RASGRP3: variants seen among roughly 807,000 people sequenced by gnomAD.
RASGRP3 encodes RAS guanyl releasing protein 3.
In RASGRP3, 54 loss-of-function variants were observed where a neutral mutation model predicts 82.7. The ratio of observed to expected loss-of-function variants is 0.65; its 90% confidence interval spans 0.52 to 0.82. RASGRP3 has a LOEUF of 0.82. RASGRP3 is among the 40% of genes least tolerant of loss of function. The pLI is 0.00. For missense variants in RASGRP3, 861 were observed against 828.9 expected (o/e 1.04, Z -0.48); for synonymous variants, 309 against 300.5 (o/e 1.03, Z -0.29).
rs1192243838 is a variant in RASGRP3 at position 33,542,315 on chromosome 2, G to A, written c.1279-1197G>A. 2.0e-5 allele frequency among the ~76,000 whole-genome samples: 3 copies of A among 146,546 alleles called. 1 individual carries two copies. The Admixed American group carries it at 2.1e-4, about 10-fold the overall frequency. On this transcript the variant is annotated intron_variant, in intron 12 of 17. Coordinates refer to ENST00000403687, the MANE Select transcript of RASGRP3 (RefSeq NM_001139488.2). The stretch of plus-strand genomic sequence containing the variant: ...CACTCTCTGTGGTAATTTGTATCAT[G>A]TTGTTTTGATTAATGTAGCTGTGTA...
At chr2:33,459,134 CT>C (rs909356486) in intron 2 of RASGRP3, among the ~76,000 whole-genome samples, 10 of 149,378 alleles carry the variant, frequency 6.7e-5, no homozygotes, top group South Asian at 2.1e-4. Context: ...ATTTCTCGGA[CT>C]TTTTTTTTTG....
chr2:33,478,993 A>C (rs1047426171), intron 1 of RASGRP3, among the ~76,000 whole-genome samples: 2 of 152,232 alleles, frequency 1.3e-5, no homozygotes, highest in Non-Finnish European at 2.9e-5. Flanking sequence ...GGACACCCTT[A>C]GTTACTTGAC....
intron 13 of RASGRP3, among the ~76,000 whole-genome samples, chr2:33,544,483 T>C (rs145872861): frequency 1.3e-5 from 2 of 151,626 alleles, no homozygotes; most frequent in African/African-American, 4.8e-5. Context: ...TCGCTTTAGA[T>C]ACTAAAACCC....
intron 1 of RASGRP3, among the ~76,000 whole-genome samples, chr2:33,444,030 T>C (rs948197214): frequency 6.6e-6 from 1 of 152,154 alleles, no homozygotes; most frequent in Non-Finnish European, 1.5e-5. Flanking sequence ...GAGTGGGGGA[T>C]AGTGCCTTAC....
intron 12 of RASGRP3, among the ~76,000 whole-genome samples, chr2:33,542,992 C>G (rs1040968567): frequency 6.6e-6 from 1 of 151,986 alleles, no homozygotes. Context: ...CGCGCCCAGC[C>G]GAAGTTTTAT....
chr2:33,487,236 T>C (rs557831962), intron 1 of RASGRP3, among the ~76,000 whole-genome samples: 2 of 152,304 alleles, frequency 1.3e-5, no homozygotes, highest in South Asian at 4.1e-4. Context: ...ATTATTGTAG[T>C]TTGTCAAGTA....
chr2:33,540,928 G>T (rs1674237177), intron 12 of RASGRP3, among the ~76,000 whole-genome samples: 1 of 145,586 alleles, frequency 6.9e-6, no homozygotes, highest in South Asian at 2.2e-4. Flanking sequence ...CTTGAGATGG[G>T]CTCATTTTAG....
intron 1 of RASGRP3, among the ~76,000 whole-genome samples, chr2:33,437,072 T>C (rs903169561): frequency 2.0e-5 from 3 of 152,194 alleles, no homozygotes; most frequent in African/African-American, 7.2e-5. Context: ...TAAGCAAAGA[T>C]AACAAATTTT....
intron 2 of RASGRP3, among the ~76,000 whole-genome samples, chr2:33,454,196 TG>T (rs1665931965): frequency 6.6e-6 from 1 of 152,208 alleles, no homozygotes; most frequent in African/African-American, 2.4e-5. Flanking sequence ...TTGAAATGGC[TG>T]TATTTTCACT....
At chr2:33,443,933 TAC>T (rs1298232905) in intron 1 of RASGRP3, among the ~76,000 whole-genome samples, 1 of 152,092 alleles carries the variant, frequency 6.6e-6, no homozygotes, top group Non-Finnish European at 1.5e-5. Flanking sequence ...TAATGTGACC[TAC>T]ATAGTTCATT....
intron 2 of RASGRP3, among the ~76,000 whole-genome samples, chr2:33,450,676 G>C (rs950521375): frequency 6.6e-6 from 1 of 151,888 alleles, no homozygotes; most frequent in Non-Finnish European, 1.5e-5. Context: ...ATGCCACAAT[G>C]AACATGGAGT....
chr2:33,540,796 G>C (rs1674223264), intron 12 of RASGRP3, among the ~76,000 whole-genome samples: 1 of 145,118 alleles, frequency 6.9e-6, no homozygotes, highest in Non-Finnish European at 1.5e-5. Context: ...ACTATAAATA[G>C]TAGGCATTCC....
intron 2 of RASGRP3, among the ~76,000 whole-genome samples, chr2:33,468,521 C>T (rs1418796403): frequency 6.6e-6 from 1 of 152,104 alleles, no homozygotes; most frequent in East Asian, 1.9e-4. Context: ...CCTGCCTCAG[C>T]CTCCTGAGTA....
In RASGRP3 at chr2:33,555,563, C is replaced by T. The variant is rs1290478356; in HGVS notation, c.1575C>T (p.Cys525=). Residue 525 remains cysteine (C), a synonymous_variant, in exon 15 of 18, where the codon TGC becomes TGT. Transcript: ENST00000403687. ...LWGIIKQGYK[C]KDCGANCHKQ... ...GCATAATCAAGCAAGGATACAAATG[C>T]AAAGGTAAATCAATGTTATTTTGTT... 2 of 1,592,068 alleles carry T rather than the reference C, an allele frequency of 1.3e-6. No homozygotes were observed. Among genetic ancestry groups the T allele is most frequent in the Non-Finnish European group, 8.6e-7 (1 of 1,163,556 alleles).
rs1676846834 is a variant in RASGRP3 at position 33,562,922 on chromosome 2, CTAT to C, written c.*186_*188del. ...CAGAGAATTGACCCTAACTAACTAA[CTAT>C]GAACTATTTATTTCCTCCTCCCCTA... On this transcript the variant is annotated 3_prime_UTR_variant, in exon 18 of 18. Coordinates refer to ENST00000403687, the MANE Select transcript of RASGRP3 (RefSeq NM_001139488.2). 7.8e-6 allele frequency: 5 copies of C among 643,610 alleles called. No individual in the cohort carries two copies. The highest frequency in any genetic ancestry group is 1.3e-5 in the Non-Finnish European group (5 of 392,086). The allele number at this position is 643,610 out of a possible 1,614,324, so 39.9% of individuals were successfully genotyped here. A position where few individuals can be genotyped will look rare whatever the true frequency, so the allele number is the denominator to read the frequency against.
chr2:33,554,818 G>A (rs577551682), intron 14 of RASGRP3, among the ~76,000 whole-genome samples: 17 of 152,194 alleles, frequency 1.1e-4, no homozygotes, highest in Non-Finnish European at 1.6e-4. Context: ...TCTGGAGAGC[G>A]AAGACACCAC....
chr2:33,481,563 T>G (rs1667915017), intron 1 of RASGRP3: 1 of 152,236 alleles, frequency 6.6e-6, no homozygotes. Context: ...TTGTGTAATT[T>G]GTATTCTCTT....
chr2:33,502,648 G>A (rs953095934), intron 1 of RASGRP3, among the ~76,000 whole-genome samples: 2 of 151,860 alleles, frequency 1.3e-5, no homozygotes, highest in Non-Finnish European at 2.9e-5. Context: ...AAGTAGCTGA[G>A]ACTACAGGCA....
chr2:33,484,894 T>C (rs17013126), intron 1 of RASGRP3, among the ~76,000 whole-genome samples: 22,747 of 152,138 alleles, frequency 0.15, 1,985 homozygotes, highest in African/African-American at 0.24. Flanking sequence ...TCTCACTATG[T>C]CTGTGTTAAA....
Sources: gnomAD v4.1 joint callset for allele counts (sites outside exome capture counted in the v4.1 genomes callset) on GRCh38, gnomAD v4.1.1 for gene constraint, MANE v1.5 for transcripts, NCBI Gene and HGNC (gene_info 2026-07-23, HGNC 2026-07-21) for gene names.